NCF4: variants seen among roughly 807,000 people sequenced by gnomAD.
NCF4 encodes the protein neutrophil cytosol factor 4.
Under a neutral mutation model 41.7 loss-of-function variants are expected in NCF4, and 30 were observed. That is an observed-to-expected ratio of 0.72 (90% CI 0.54 to 0.97). The LOEUF (loss-of-function observed/expected upper bound fraction) is 0.97, where lower values mean the gene tolerates loss of function less well. NCF4 is among the 50% of genes least tolerant of loss of function. The pLI is 0.00. For synonymous variants in NCF4, 195 were observed against 175.8 expected, an observed-to-expected ratio of 1.11 and a Z score of -0.87; for missense variants, 432 against 460.9, an observed-to-expected ratio of 0.94 and a Z score of 0.57.
At chr22:36,875,240 G>C (rs1420162362) in intron 7 of NCF4, among the ~76,000 whole-genome samples, 1 of 152,068 alleles carries the variant, frequency 6.6e-6, no homozygotes, top group African/African-American at 2.4e-5. Context: ...AAGTTGGCCA[G>C]GCTGGTCTCG....
rs756236907 is a variant in NCF4 at position 36,867,376 on chromosome 22, CTT to C, written c.272-14_272-13del. ...GTTGGGCCAGGCTCCTAGGACAGCTCTTTGTCTCTTCTCAGCCAAAGTCTACG... is the reference window on the plus strand; with the variant it reads ...GTTGGGCCAGGCTCCTAGGACAGCTCTGTCTCTTCTCAGCCAAAGTCTACG... On this transcript the variant is annotated splice_polypyrimidine_tract_variant and intron_variant, in intron 3 of 9. Coordinates refer to ENST00000248899, the MANE Select transcript of NCF4 (RefSeq NM_000631.5). 2.9e-5 allele frequency: 47 copies of C among 1,614,068 alleles called. 1 individual carries two copies. The African/African-American group carries it at 3.1e-4, about 11-fold the overall frequency.
At chr22:36,862,930 GCAGGCTCCAAAACCTCCCCCAGGC>G (rs1442442479) in intron 1 of NCF4, among the ~76,000 whole-genome samples, 2 of 152,090 alleles carry the variant, frequency 1.3e-5, no homozygotes, top group African/African-American at 4.8e-5. Context: ...CTCCCCCAGG[GCAGGCTCCAAAACCTCCCCCAGGC>G]CAGGCTCCAA....
intron 4 of NCF4, 104 bp downstream of exon 4, chr22:36,867,566 C>T (rs1472702663): frequency 4.8e-6 from 6 of 1,253,218 alleles, no homozygotes; most frequent in African/African-American, 3.0e-5. Flanking sequence ...GGGGCTGGCT[C>T]TCTGGCTCTG....
chr22:36,861,611 G>C (rs1048225464), intron 1 of NCF4, among the ~76,000 whole-genome samples: 1 of 152,200 alleles, frequency 6.6e-6, no homozygotes, highest in African/African-American at 2.4e-5. Flanking sequence ...TGCCTCAAAT[G>C]TCACCTCCTC....
In NCF4 at chr22:36,876,634, C is replaced by A. The variant is rs1182482018; in HGVS notation, c.824+540C>A. On this transcript the variant is annotated intron_variant, in intron 9 of 9. Transcript: ENST00000248899. The stretch of plus-strand genomic sequence containing the variant: ...CTTACACCCCACACACACATGCACA[C>A]ACAAAAGTCACTTTGGCTGCACAAA... Among the ~76,000 whole-genome samples the A allele has an allele frequency of 2.0e-5, 3 of 152,342 alleles. No homozygotes were observed. The East Asian group carries it at 5.8e-4, about 29-fold the overall frequency.
At chr22:36,873,514 C>T (rs3788524) in intron 7 of NCF4, among the ~76,000 whole-genome samples, 130,821 of 151,928 alleles carry the variant, frequency 0.86, 56,635 homozygotes, top group African/African-American at 0.95. Context: ...CTGAGGATAG[C>T]CCTGGAGATC....
At chr22:36,862,377 G>T (rs769185214) in intron 1 of NCF4, among the ~76,000 whole-genome samples, 2 of 152,222 alleles carry the variant, frequency 1.3e-5, no homozygotes, top group East Asian at 3.8e-4. Flanking sequence ...AGAGCGGGGT[G>T]CAGGAGCTGG....
At chr22:36,863,156 G>A (rs1465203382) in intron 1 of NCF4, among the ~76,000 whole-genome samples, 2 of 152,190 alleles carry the variant, frequency 1.3e-5, no homozygotes, top group Admixed American at 6.5e-5. Context: ...GACGACGGTA[G>A]TGGCCGTGTA....
At chr22:36,863,457 C>T (rs1000437315) in intron 1 of NCF4, among the ~76,000 whole-genome samples, 7 of 150,488 alleles carry the variant, frequency 4.7e-5, no homozygotes, top group African/African-American at 9.8e-5. Flanking sequence ...TTCCTCAGCC[C>T]CCACCACCCC....
At chr22:36,861,776 G>A (rs1033958223) in intron 1 of NCF4, among the ~76,000 whole-genome samples, 4 of 152,122 alleles carry the variant, frequency 2.6e-5, no homozygotes, top group African/African-American at 4.8e-5. Context: ...CAAGCTCCAC[G>A]AGGCTGTGTC....
chr22:36,867,506 G>A, intron 4 of NCF4, 44 bp downstream of exon 4: 1 of 1,602,802 alleles, frequency 6.2e-7, no homozygotes, highest in Non-Finnish European at 8.5e-7. Context: ...AGGGCATGCA[G>A]TATTGGTGGG....
intron 1 of NCF4, among the ~76,000 whole-genome samples, chr22:36,862,984 T>C (rs1304822483): frequency 1.3e-5 from 2 of 151,986 alleles, no homozygotes; most frequent in Non-Finnish European, 2.9e-5. Flanking sequence ...ACTGTGCGAG[T>C]GTGTCTTGAG....
At chr22:36,873,499 GCTAT>G (rs34123598) in intron 7 of NCF4, among the ~76,000 whole-genome samples, 26,725 of 151,890 alleles carry the variant, frequency 0.18, 3,944 homozygotes, top group African/African-American at 0.41. Context: ...GGGAAGAGAT[GCTAT>G]CTGAGGATAG....
At chr22:36,866,892 T>C (rs1055311917) in intron 3 of NCF4, among the ~76,000 whole-genome samples, 2 of 152,144 alleles carry the variant, frequency 1.3e-5, no homozygotes, top group Non-Finnish European at 2.9e-5. Flanking sequence ...ACTTTGGTGG[T>C]ATGTGGACGT....
Position 36,864,129 on chromosome 22 carries a change from T to C in NCF4, c.117T>C (p.Phe39=). The C allele has an allele frequency of 1.2e-6, 2 of 1,610,988 alleles. No individual in the cohort carries two copies. The highest frequency in any genetic ancestry group is 8.5e-7 in the Non-Finnish European group (1 of 1,177,222). Residue 39 remains phenylalanine (F), a splice_region_variant and synonymous_variant, in exon 2 of 10, where the codon TTT becomes TTC. Coordinates refer to ENST00000248899, the MANE Select transcript of NCF4 (RefSeq NM_000631.5). ...AGAAGAGAGGCTTCACCAGCCACTTTGTAAGACAGACTCCTAGTCCTTCAC... is the reference window on the plus strand; with the variant it reads ...AGAAGAGAGGCTTCACCAGCCACTTCGTAAGACAGACTCCTAGTCCTTCAC... The part of the protein sequence containing the change: ...IEEKRGFTSH[F]VFVIEVKTKG...
At chr22:36,863,126 C>A (rs1221562378) in intron 1 of NCF4, among the ~76,000 whole-genome samples, 1 of 152,156 alleles carries the variant, frequency 6.6e-6, no homozygotes, top group Non-Finnish European at 1.5e-5. Flanking sequence ...TGCTGCCCAT[C>A]AAAAAACTCT....
chr22:36,861,558 C>A (rs899002512), intron 1 of NCF4, among the ~76,000 whole-genome samples: 1 of 152,204 alleles, frequency 6.6e-6, no homozygotes, highest in Non-Finnish European at 1.5e-5. Flanking sequence ...TCTGCGCAAA[C>A]AGAATTCACA....
intron 3 of NCF4, among the ~76,000 whole-genome samples, chr22:36,866,624 C>T (rs976096948): frequency 1.3e-5 from 2 of 152,128 alleles, no homozygotes; most frequent in African/African-American, 2.4e-5. Context: ...CTCCTACCGC[C>T]GCCGCCATCA....
intron 4 of NCF4, among the ~76,000 whole-genome samples, chr22:36,868,945 A>T (rs1480076013): frequency 6.6e-6 from 1 of 151,918 alleles, no homozygotes; most frequent in African/African-American, 2.4e-5. Flanking sequence ...GAAAAGCCCA[A>T]CTCTCTGTAA....
Sources: allele counts gnomAD v4.1 joint callset (sites outside exome capture counted in the v4.1 genomes callset), GRCh38; gene constraint gnomAD v4.1.1; transcripts MANE v1.5; gene names NCBI Gene and HGNC (gene_info 2026-07-23, HGNC 2026-07-21).